STON2: variants seen among roughly 807,000 people sequenced by gnomAD.
STON2 encodes stonin-2.
A neutral mutation model predicts 65.7 loss-of-function variants in STON2; 29 were observed. The ratio of observed to expected loss-of-function variants is 0.44; its 90% CI spans 0.33 to 0.60. STON2 has a LOEUF of 0.60. STON2 is among the 20% of genes least tolerant of loss of function. The pLI, the probability that STON2 is intolerant of heterozygous loss-of-function variation, is 0.03. For synonymous variants in STON2, 404 were observed against 414.2 expected, an observed-to-expected ratio of 0.98 and a Z score of 0.30; for missense variants, 1,054 against 1,118.1, an observed-to-expected ratio of 0.94 and a Z score of 0.82.
chr14:81,355,664 A>T (rs1270545696), intron 4 of STON2, among the ~76,000 whole-genome samples: 1 of 152,250 alleles, frequency 6.6e-6, no homozygotes, highest in Non-Finnish European at 1.5e-5. Context: ...AAGTTGAAGC[A>T]AAATGCTGCT....
intron 4 of STON2, among the ~76,000 whole-genome samples, chr14:81,363,505 A>C (rs1898588902): frequency 6.6e-6 from 1 of 150,726 alleles, no homozygotes; most frequent in African/African-American, 2.4e-5. Flanking sequence ...CAATCATTAG[A>C]GTTTTTTGGT....
At chr14:81,341,469 T>TTTTC (rs149759275) in intron 4 of STON2, among the ~76,000 whole-genome samples, 35 of 148,238 alleles carry the variant, frequency 2.4e-4, no homozygotes, top group African/African-American at 6.2e-4. Flanking sequence ...TTTTTTTTTT[T>TTTTC]CCCAAAAGTC....
chr14:81,319,480 C>A (rs1157395718), intron 5 of STON2, among the ~76,000 whole-genome samples: 2 of 152,124 alleles, frequency 1.3e-5, no homozygotes, highest in African/African-American at 4.8e-5. Flanking sequence ...TTTTTCCCAT[C>A]TAGCATCTGG....
At chr14:81,358,883 T>C (rs986399231) in intron 4 of STON2, among the ~76,000 whole-genome samples, 1 of 152,198 alleles carries the variant, frequency 6.6e-6, no homozygotes, top group East Asian at 1.9e-4. Context: ...AGCACCTAAA[T>C]ACATAAAACA....
At chr14:81,392,474 G>C (rs766435714) in intron 3 of STON2, among the ~76,000 whole-genome samples, 214 of 152,106 alleles carry the variant, frequency 1.4e-3, no homozygotes, top group Non-Finnish European at 2.2e-3. Context: ...TCATGGCTGT[G>C]GGATGGACAA....
intron 7 of STON2, chr14:81,269,162 C>T (rs1342067798): frequency 4.8e-6 from 1 of 207,164 alleles, no homozygotes; most frequent in Non-Finnish European, 8.5e-6. Context: ...CGCACCACTG[C>T]GCCTGGCTAA....
intron 1 of STON2, among the ~76,000 whole-genome samples, chr14:81,431,777 CAAA>C (rs1206683311): frequency 6.4e-5 from 7 of 108,568 alleles, no homozygotes; most frequent in Admixed American, 9.9e-5. Flanking sequence ...AACTCTGTCT[CAAA>C]AAAAAAAAAA....
intron 2 of STON2, among the ~76,000 whole-genome samples, chr14:81,425,955 G>A (rs987735941): frequency 2.0e-5 from 3 of 152,180 alleles, no homozygotes; most frequent in African/African-American, 7.2e-5. Flanking sequence ...TTTCAGCTTA[G>A]GGAAAATTCA....
chr14:81,266,533 A>G lies in STON2; in HGVS notation c.*1881T>C, dbSNP rs1218214311. The stretch of plus-strand genomic sequence containing the variant: ...TTCTTGCATCATCAGACCCTTTACA[A>G]CCCTGGTCACCTCCCTATGGACACA... On this transcript the variant is annotated 3_prime_UTR_variant, in exon 8 of 8. Coordinates refer to ENST00000614646, the MANE Select transcript of STON2 (RefSeq NM_001394390.1). 1 of 350,578 alleles carries G rather than the reference A, an allele frequency of 2.9e-6. No homozygotes were observed. Among genetic ancestry groups the G allele is most frequent in the African/African-American group, 2.2e-5 (1 of 44,756 alleles). The allele number at this position is 350,578 out of a possible 1,614,324, so 21.7% of individuals were successfully genotyped here. A position where few individuals can be genotyped will look rare whatever the true frequency, so the allele number is the denominator to read the frequency against.
intron 2 of STON2, among the ~76,000 whole-genome samples, chr14:81,411,745 T>A (rs1027464426): frequency 1.3e-5 from 2 of 152,062 alleles, no homozygotes; most frequent in Non-Finnish European, 2.9e-5. Flanking sequence ...AAAATAAATT[T>A]TAAAAAGTAA....
chr14:81,279,793 G>C (rs1338981942), intron 5 of STON2, among the ~76,000 whole-genome samples: 1 of 152,142 alleles, frequency 6.6e-6, no homozygotes, highest in Non-Finnish European at 1.5e-5. Flanking sequence ...TGGATGCTTA[G>C]TGAAACTAAG....
At chr14:81,376,318 C>A (rs4553551) in intron 3 of STON2, among the ~76,000 whole-genome samples, 1 of 151,782 alleles carries the variant, frequency 6.6e-6, no homozygotes, top group South Asian at 2.1e-4. Flanking sequence ...ATACTATATT[C>A]AGAAGGCAAT....
At chr14:81,317,983 T>C (rs1403291752) in intron 5 of STON2, among the ~76,000 whole-genome samples, 2 of 150,814 alleles carry the variant, frequency 1.3e-5, no homozygotes, top group Non-Finnish European at 3.0e-5. Flanking sequence ...GGTGTGTTTT[T>C]TAGGCGGAGT....
In STON2 at chr14:81,277,786, T is replaced by C. The variant is rs759353621; in HGVS notation, c.1696A>G (p.Lys566Glu). Residue 566 changes from lysine (K) to glutamate (E), a missense_variant, in exon 6 of 8, where the codon AAG becomes GAG. Coordinates refer to ENST00000614646, the MANE Select transcript of STON2 (RefSeq NM_001394390.1). The part of the protein sequence containing the change: ...LRIDRVTYKE[K>E]KKYQPKPAVA... Reference sequence around the variant, plus strand: ...GCAGGTTTGGGCTGGTATTTCTTCTTCTCTTTATAGGTGACACGGTCTATC... The same window carrying C: ...GCAGGTTTGGGCTGGTATTTCTTCTCCTCTTTATAGGTGACACGGTCTATC... 1 of 1,614,176 alleles carries C rather than the reference T, an allele frequency of 6.2e-7. No homozygotes were observed. The highest frequency in any genetic ancestry group is 1.1e-5 in the South Asian group (1 of 91,080).
In STON2 at chr14:81,261,779, T is replaced by G; in HGVS notation, c.*6635A>C. The G allele has an allele frequency of 6.6e-7, 1 of 1,517,254 alleles. No homozygotes were observed. The allele number at this position is 1,517,254 out of a possible 1,614,324, so 94.0% of individuals were successfully genotyped here. ...TTGGAGACCTGTCTGTGCCTCTTCA[T>G]GCTCACACCATTGTTCTGATAGATG... On this transcript the variant is annotated 3_prime_UTR_variant, in exon 8 of 8. Coordinates refer to ENST00000614646, the MANE Select transcript of STON2 (RefSeq NM_001394390.1).
chr14:81,388,844 T>A (rs1215816969), intron 3 of STON2, among the ~76,000 whole-genome samples: 1 of 152,198 alleles, frequency 6.6e-6, no homozygotes, highest in Non-Finnish European at 1.5e-5. Flanking sequence ...TGTGTGCTAG[T>A]CTCTTTCCCA....
At chr14:81,435,809 ACGT>A (rs1255281951) in intron 1 of STON2, among the ~76,000 whole-genome samples, 1 of 152,126 alleles carries the variant, frequency 6.6e-6, no homozygotes, top group East Asian at 1.9e-4. Flanking sequence ...TCCAAGCCCC[ACGT>A]CCAGGCCGCC....
rs536208704 is a variant in STON2, at chr14:81,343,467, G to C, written c.572-19280C>G. Reference sequence around the variant, plus strand: ...CTCCCTCCCACCTCTTCTCAAGAAAGCTTTTCTTCCTGATTCCAATTCTGC... The same window carrying C: ...CTCCCTCCCACCTCTTCTCAAGAAACCTTTTCTTCCTGATTCCAATTCTGC... On this transcript the variant is annotated intron_variant, in intron 4 of 7. Coordinates refer to ENST00000614646, the MANE Select transcript of STON2 (RefSeq NM_001394390.1). Among the ~76,000 whole-genome samples, 4 of 132,570 alleles carry C rather than the reference G, an allele frequency of 3.0e-5. No homozygotes were observed. In the South Asian group the frequency reaches 1.1e-3, roughly 36 times the overall value. 87.0% of individuals were successfully genotyped at this position (132,570 alleles called of 152,430 possible). A position where few individuals can be genotyped will look rare whatever the true frequency, so the allele number is the denominator to read the frequency against.
chr14:81,266,987 T>C lies in STON2; in HGVS notation c.*1427A>G, dbSNP rs1281057743. 3 of 985,396 alleles carry C rather than the reference T, an allele frequency of 3.0e-6. No individual in the cohort carries two copies. The highest frequency in any genetic ancestry group is 3.6e-6 in the Non-Finnish European group (3 of 829,872). The allele number at this position is 985,396 out of a possible 1,614,324, so 61.0% of individuals were successfully genotyped here. On this transcript the variant is annotated 3_prime_UTR_variant, in exon 8 of 8. Transcript: ENST00000614646. ...TACTGTAACTATTTCTATATCCCAG[T>C]GTCAATACACATTTAGACTCCAATG...
Sources: gnomAD v4.1 joint callset for allele counts (sites outside exome capture counted in the v4.1 genomes callset) on GRCh38, gnomAD v4.1.1 for gene constraint, MANE v1.5 for transcripts, NCBI Gene and HGNC (gene_info 2026-07-23, HGNC 2026-07-21) for gene names.